Variants in TENM3 observed in about 807,000 individuals in gnomAD.
TENM3 encodes teneurin transmembrane protein 3.
In TENM3, 63 loss-of-function variants were observed where a neutral mutation model predicts 255.1. That is an observed-to-expected ratio of 0.25 (90% CI 0.20 to 0.30). The LOEUF is 0.30. Among genes scored for constraint, TENM3 ranks in the 10% least tolerant of loss-of-function variants. TENM3 has a pLI of 1.00. For missense variants in TENM3, 2,929 were observed against 3,461.1 expected, an observed-to-expected ratio of 0.85 and a Z score of 3.86; for synonymous variants, 1,306 against 1,322.3, an observed-to-expected ratio of 0.99 and a Z score of 0.27.
intron 4 of TENM3, among the ~76,000 whole-genome samples, chr4:182,616,188 G>T (rs187597818): frequency 6.6e-6 from 1 of 152,282 alleles, no homozygotes; most frequent in African/African-American, 2.4e-5. Context: ...ACCAAAACCG[G>T]CGCTTCCTTA....
chr4:182,750,775 T>C (rs1762315837), intron 19 of TENM3, among the ~76,000 whole-genome samples: 1 of 152,088 alleles, frequency 6.6e-6, no homozygotes, highest in African/African-American at 2.4e-5. Flanking sequence ...ATAACTAAGT[T>C]CGTCATCAAA....
At chr4:181,837,842 T>C in the TENM3 span, among the ~76,000 whole-genome samples, 2 of 151,964 alleles carry the variant, frequency 1.3e-5, no homozygotes, top group Non-Finnish European at 2.9e-5. Flanking sequence ...GGGAAACCAG[T>C]ATAAGAAAAC....
chr4:182,422,964 G>T (rs1770946961), intron 3 of TENM3, among the ~76,000 whole-genome samples: 1 of 152,146 alleles, frequency 6.6e-6, no homozygotes. Flanking sequence ...CCATCCAGAG[G>T]CCTTGTTCCT....
At chr4:182,520,019 A>G (rs1488837734) in intron 3 of TENM3, among the ~76,000 whole-genome samples, 1 of 152,160 alleles carries the variant, frequency 6.6e-6, no homozygotes, top group African/African-American at 2.4e-5. Flanking sequence ...GATGCTGGAT[A>G]TAGTTAATGT....
the TENM3 span, among the ~76,000 whole-genome samples, chr4:181,711,746 G>T: frequency 6.6e-6 from 1 of 152,148 alleles, no homozygotes; most frequent in Non-Finnish European, 1.5e-5. Context: ...CTTGAAGGTA[G>T]TTTGCCCAGG....
At chr4:182,516,771 G>A (rs768852891) in intron 3 of TENM3, among the ~76,000 whole-genome samples, 1 of 151,952 alleles carries the variant, frequency 6.6e-6, no homozygotes, top group Non-Finnish European at 1.5e-5. Context: ...CACACCAGTA[G>A]TCCCAACTAC....
At chr4:182,005,318 A>C in the TENM3 span, among the ~76,000 whole-genome samples, 2 of 152,230 alleles carry the variant, frequency 1.3e-5, no homozygotes, top group Non-Finnish European at 2.9e-5. Context: ...CCATTTACTG[A>C]ATGGGAGATC....
At chr4:182,431,700 A>G (rs906506571) in intron 3 of TENM3, among the ~76,000 whole-genome samples, 1 of 152,200 alleles carries the variant, frequency 6.6e-6, no homozygotes, top group African/African-American at 2.4e-5. Context: ...GGCAGGTGGC[A>G]TTTGACTTTG....
the TENM3 span, among the ~76,000 whole-genome samples, chr4:181,492,634 A>G: frequency 6.6e-6 from 1 of 152,180 alleles, no homozygotes; most frequent in East Asian, 1.9e-4. Context: ...TTTTATTTAC[A>G]CAATTAGACG....
At chr4:182,110,866 G>T in the TENM3 span, among the ~76,000 whole-genome samples, 105 of 152,138 alleles carry the variant, frequency 6.9e-4, no homozygotes, top group Non-Finnish European at 1.3e-3. Context: ...ACAAATAGAT[G>T]ATCGAAACTA....
At chr4:182,375,834 G>A (rs1332763882) in intron 3 of TENM3, among the ~76,000 whole-genome samples, 3 of 152,108 alleles carry the variant, frequency 2.0e-5, no homozygotes, top group African/African-American at 4.8e-5. Context: ...GTGAGCCACC[G>A]CGCCCGGCTG....
intron 3 of TENM3, among the ~76,000 whole-genome samples, chr4:182,414,033 T>C (rs992055798): frequency 4.6e-5 from 7 of 152,354 alleles, no homozygotes; most frequent in Admixed American, 4.6e-4. Flanking sequence ...ATAGTAGTTA[T>C]AACACCATAG....
At chr4:181,879,880 G>GA in the TENM3 span, among the ~76,000 whole-genome samples, 7 of 151,702 alleles carry the variant, frequency 4.6e-5, no homozygotes, top group Non-Finnish European at 1.0e-4. Context: ...TAAAAGTTAA[G>GA]AAAAAAAGTG....
the TENM3 span, among the ~76,000 whole-genome samples, chr4:182,025,266 G>C: frequency 4.6e-5 from 7 of 152,002 alleles, no homozygotes; most frequent in African/African-American, 1.7e-4. Flanking sequence ...CTGACCTCGT[G>C]ATCCGCCTGC....
chr4:181,562,915 T>G, the TENM3 span, among the ~76,000 whole-genome samples: 2 of 152,164 alleles, frequency 1.3e-5, no homozygotes, highest in African/African-American at 4.8e-5. Context: ...CATCAGGTGA[T>G]TAGCCCGCCT....
chr4:181,449,193 C>T, the TENM3 span, among the ~76,000 whole-genome samples: 9 of 152,212 alleles, frequency 5.9e-5, no homozygotes, highest in South Asian at 1.5e-3. Context: ...ACTAAAAATA[C>T]CTTAATGAAA....
chr4:182,017,540 CTT>C, the TENM3 span, among the ~76,000 whole-genome samples: 1 of 152,118 alleles, frequency 6.6e-6, no homozygotes, highest in African/African-American at 2.4e-5. Flanking sequence ...ACAATAAACT[CTT>C]TGTTAATAAG....
At chr4:181,509,223 G>T in the TENM3 span, among the ~76,000 whole-genome samples, 1 of 152,050 alleles carries the variant, frequency 6.6e-6, no homozygotes, top group Admixed American at 6.6e-5. Flanking sequence ...ATTTACAGAG[G>T]TCAAAATTGG....
intron 4 of TENM3, among the ~76,000 whole-genome samples, chr4:182,603,030 A>G (rs1053038906): frequency 1.3e-5 from 2 of 152,198 alleles, no homozygotes; most frequent in African/African-American, 4.8e-5. Flanking sequence ...CCGTGAAACC[A>G]TGTCTTCCAG....
Sources: gnomAD v4.1 joint callset for allele counts (sites outside exome capture counted in the v4.1 genomes callset) on GRCh38, gnomAD v4.1.1 for gene constraint, MANE v1.5 for transcripts, NCBI Gene and HGNC (gene_info 2026-07-23, HGNC 2026-07-21) for gene names.